The following BRCC3 variants were observed in gnomAD, a reference collection of about 807,000 sequenced individuals.
BRCC3 encodes the protein lys-63-specific deubiquitinase BRCC36.
In BRCC3, 15 loss-of-function variants were observed where a neutral mutation model predicts 28.0. The ratio of observed to expected loss-of-function variants is 0.54; its 90% CI spans 0.36 to 0.82. The LOEUF (loss-of-function observed/expected upper bound fraction) is 0.82. Ranked by LOEUF, BRCC3 falls within the 40% of genes least tolerant of loss-of-function variation. The pLI, the probability that BRCC3 is intolerant of heterozygous loss-of-function variation, is 0.01. For missense variants in BRCC3, 109 were observed against 225.9 expected, an observed-to-expected ratio of 0.48 and a Z score of 3.32; for synonymous variants, 66 against 80.3, an observed-to-expected ratio of 0.82 and a Z score of 0.95.
chrX:155,116,855 T>A, intron 9 of BRCC3, 101 bp downstream of exon 9: 1 of 576,650 alleles, frequency 1.7e-6, no homozygotes, highest in Non-Finnish European at 2.8e-6. Context: ...AAGTGATGGG[T>A]ACAAGTTGTC....
chrX:155,086,345 C>T (rs782187915), intron 5 of BRCC3, among the ~76,000 whole-genome samples: 49 of 111,529 alleles, frequency 4.4e-4, no homozygotes, highest in Non-Finnish European at 6.4e-4. Flanking sequence ...CCCACCTGCC[C>T]GCCTGCCCTC....
chrX:155,099,536 A>G, intron 7 of BRCC3: 1 of 838,102 alleles, frequency 1.2e-6, no homozygotes, highest in Non-Finnish European at 1.6e-6. Context: ...GAGACTAGGA[A>G]ATCTAGTCTT....
At chrX:155,076,202 G>C (rs1207189371) in intron 3 of BRCC3, among the ~76,000 whole-genome samples, 2 of 110,988 alleles carry the variant, frequency 1.8e-5, no homozygotes, top group African/African-American at 6.6e-5. Context: ...TCAGGAGTTT[G>C]AGACCAGCCT....
At chrX:155,073,272 G>T in intron 2 of BRCC3, 105 bp from the exon 3 acceptor site, 1 of 942,119 alleles carries the variant, frequency 1.1e-6, no homozygotes, top group Non-Finnish European at 1.5e-6. Context: ...TTTGGTCTCT[G>T]CTAAGATTTC....
At chrX:155,087,976 C>T (rs782455130) in intron 5 of BRCC3, among the ~76,000 whole-genome samples, 7 of 112,409 alleles carry the variant, frequency 6.2e-5, no homozygotes, top group Non-Finnish European at 1.3e-4. Context: ...TGTTTATTCT[C>T]ATTTAACTGA....
At chrX:155,117,044 G>C (rs1257105106) in intron 9 of BRCC3, among the ~76,000 whole-genome samples, 1 of 112,262 alleles carries the variant, frequency 8.9e-6, no homozygotes, top group Non-Finnish European at 1.9e-5. Flanking sequence ...CAGATCTCAA[G>C]GAGCAGGGAG....
intron 7 of BRCC3, among the ~76,000 whole-genome samples, chrX:155,113,360 A>C (rs1357271068): frequency 1.8e-5 from 2 of 109,820 alleles, no homozygotes; most frequent in Admixed American, 1.9e-4. Flanking sequence ...GCATATGGTC[A>C]AGCAAACTTC....
chrX:155,080,833 T>TATACAACAC (rs782507360), intron 5 of BRCC3, among the ~76,000 whole-genome samples: 1 of 112,311 alleles, frequency 8.9e-6, no homozygotes, highest in East Asian at 2.8e-4. Flanking sequence ...GAAAATCATG[T>TATACAACAC]ATACAACACC....
intron 3 of BRCC3, among the ~76,000 whole-genome samples, chrX:155,076,009 AT>A (rs1479594210): frequency 1.8e-5 from 2 of 112,048 alleles, no homozygotes; most frequent in Middle Eastern, 4.6e-3. Context: ...TTCTATGAAG[AT>A]TTTTTTCTTT....
At chrX:155,086,946 C>T (rs2074134734) in intron 5 of BRCC3, among the ~76,000 whole-genome samples, 1 of 112,083 alleles carries the variant, frequency 8.9e-6, no homozygotes, top group African/African-American at 3.2e-5. Context: ...CACCAATGGG[C>T]TTTTCACTCA....
intron 7 of BRCC3, among the ~76,000 whole-genome samples, 169 bp from the exon 8 acceptor site, chrX:155,115,888 C>T (rs184774982): frequency 5.5e-4 from 62 of 112,142 alleles, no homozygotes; most frequent in Non-Finnish European, 1.1e-3. Flanking sequence ...GCTCTCCAGA[C>T]GAACCCAGTT....
intron 2 of BRCC3, among the ~76,000 whole-genome samples, chrX:155,072,690 T>C (rs1188262656): frequency 9.0e-6 from 1 of 110,822 alleles, no homozygotes. Flanking sequence ...GACTCCCGAA[T>C]AGCTGAGATT....
At chrX:155,104,144 G>T (rs182411900) in intron 7 of BRCC3, among the ~76,000 whole-genome samples, 166 of 110,284 alleles carry the variant, frequency 1.5e-3, no homozygotes, top group African/African-American at 5.3e-3. Flanking sequence ...CTCCAATTTT[G>T]TCACTAAATC....
At chrX:155,076,625 C>T (rs2074046485) in intron 3 of BRCC3, among the ~76,000 whole-genome samples, 1 of 110,894 alleles carries the variant, frequency 9.0e-6, no homozygotes, top group Non-Finnish European at 1.9e-5. Context: ...CACTCTCACA[C>T]TATTATGAGA....
At chrX:155,078,801 G>T in intron 5 of BRCC3, 98 bp downstream of exon 5, 2 of 509,556 alleles carry the variant, frequency 3.9e-6, no homozygotes, top group South Asian at 8.3e-5. Context: ...ACCAAAATTT[G>T]ACTGTCCTTT....
At position 155,094,227 on chromosome X, in the gene BRCC3, G is replaced by A. The variant is rs2074194513; in HGVS notation, c.548+3388G>A. Reference sequence around the variant, plus strand: ...TTTGTTCAGGTATCACTCTGTTCTAGACCTGAGATATCTTGCTGTGGGACA... The same window carrying A: ...TTTGTTCAGGTATCACTCTGTTCTAAACCTGAGATATCTTGCTGTGGGACA... On this transcript the variant is annotated intron_variant, in intron 7 of 10. Transcript: ENST00000330045. Among the ~76,000 whole-genome samples the A allele has an allele frequency of 2.7e-5, 3 of 111,165 alleles. No individual in the cohort carries two copies. In the South Asian group the frequency reaches 1.1e-3, roughly 42 times the overall value.
chrX:155,094,144 G>C (rs1253518199), intron 7 of BRCC3, among the ~76,000 whole-genome samples: 1 of 110,277 alleles, frequency 9.1e-6, no homozygotes, highest in African/African-American at 3.3e-5. Flanking sequence ...ATTATTTGTG[G>C]CCTTGGCTTG....
At chrX:155,111,097 G>A (rs1252800203) in intron 7 of BRCC3, among the ~76,000 whole-genome samples, 3 of 111,345 alleles carry the variant, frequency 2.7e-5, no homozygotes, top group African/African-American at 9.8e-5. Flanking sequence ...TTTAAAAGCT[G>A]CCATTATGAA....
chrX:155,075,795 G>C (rs1165876897), intron 3 of BRCC3, among the ~76,000 whole-genome samples: 1 of 111,682 alleles, frequency 9.0e-6, no homozygotes, highest in Non-Finnish European at 1.9e-5. Context: ...TTATGGCTTG[G>C]CATTTGAGGT....
Sources: allele counts gnomAD v4.1 joint callset (sites outside exome capture counted in the v4.1 genomes callset), GRCh38; gene constraint gnomAD v4.1.1; transcripts MANE v1.5; gene names NCBI Gene and HGNC (gene_info 2026-07-23, HGNC 2026-07-21).